The following TJP1 variants were observed in gnomAD, a reference collection of about 807,000 sequenced individuals.
TJP1 encodes the protein tight junction protein 1, also known as tight junction protein ZO-1.
A neutral mutation model predicts 194.2 loss-of-function variants in TJP1; 43 were observed. That is an observed-to-expected ratio of 0.22 (90% CI 0.17 to 0.29). The LOEUF is 0.29. Ranked by LOEUF, TJP1 falls within the 10% of genes least tolerant of loss-of-function variation. The probability of loss-of-function intolerance (pLI) is 1.00; values close to 1 mark genes in which losing one functional copy is unlikely to be tolerated. For missense variants in TJP1, 1,971 were observed against 2,185.7 expected (o/e 0.90, Z 1.96); for synonymous variants, 801 against 779.0 (o/e 1.03, Z -0.47).
At chr15:29,866,950 T>C (rs1276109828) in intron 2 of TJP1, among the ~76,000 whole-genome samples, 1 of 152,174 alleles carries the variant, frequency 6.6e-6, no homozygotes, top group Non-Finnish European at 1.5e-5. Flanking sequence ...CTCAGAAAGA[T>C]ACTCAGACTG....
At chr15:29,886,050 A>G (rs2053104664) in intron 2 of TJP1, among the ~76,000 whole-genome samples, 1 of 152,176 alleles carries the variant, frequency 6.6e-6, no homozygotes, top group Non-Finnish European at 1.5e-5. Flanking sequence ...AGATTTTAAA[A>G]CCCCTCATCA....
intron 2 of TJP1, among the ~76,000 whole-genome samples, chr15:29,946,045 C>G (rs2055270253): frequency 1.3e-5 from 2 of 152,076 alleles, no homozygotes; most frequent in Admixed American, 1.3e-4. Context: ...TAAACTAAAC[C>G]TGGAACACAA....
chr15:29,727,033 C>T, intron 16 of TJP1, 42 bp from the exon 17 acceptor site: 1 of 1,569,570 alleles, frequency 6.4e-7, no homozygotes, highest in Non-Finnish European at 8.7e-7. Context: ...CACAAGACAT[C>T]ATTAATTAAG....
intron 2 of TJP1, among the ~76,000 whole-genome samples, chr15:29,835,604 C>T (rs191327375): frequency 5.9e-5 from 9 of 151,814 alleles, no homozygotes; most frequent in Non-Finnish European, 1.2e-4. Flanking sequence ...GAGCTATGAT[C>T]GCGCCACTGC....
chr15:29,748,607 A>T (rs1041400831), intron 8 of TJP1, among the ~76,000 whole-genome samples: 1 of 109,302 alleles, frequency 9.1e-6, no homozygotes, highest in Admixed American at 1.4e-4. Flanking sequence ...CAGGGTCTCA[A>T]TGTTGCCCTG....
chr15:29,714,167 C>A (rs1373759660), intron 23 of TJP1, among the ~76,000 whole-genome samples: 1 of 152,272 alleles, frequency 6.6e-6, no homozygotes, highest in African/African-American at 2.4e-5. Flanking sequence ...TCTAGAAAAA[C>A]AAATTAACAC....
At chr15:29,737,219 G>T in intron 11 of TJP1, 45 bp downstream of exon 11, 2 of 1,594,814 alleles carry the variant, frequency 1.3e-6, no homozygotes, top group Non-Finnish European at 1.7e-6. Context: ...TTTTTCTGGT[G>T]ATCCAAATAC....
chr15:29,754,137 C>A (rs1388514124), intron 8 of TJP1, among the ~76,000 whole-genome samples: 2 of 152,194 alleles, frequency 1.3e-5, no homozygotes, highest in African/African-American at 4.8e-5. Flanking sequence ...TATATGCCCA[C>A]CAATGACAGA....
At chr15:29,812,347 A>G (rs1435919421) in intron 1 of TJP1, among the ~76,000 whole-genome samples, 1 of 152,244 alleles carries the variant, frequency 6.6e-6, no homozygotes, top group East Asian at 1.9e-4. Context: ...CACAATAAAA[A>G]GATATAAAAA....
chr15:29,854,292 T>C (rs2051760757), intron 2 of TJP1, among the ~76,000 whole-genome samples: 1 of 152,100 alleles, frequency 6.6e-6, no homozygotes, highest in Admixed American at 6.6e-5. Context: ...CAATAAGATA[T>C]GTCCTAATCC....
At chr15:29,961,073 T>G (rs1051946414) in intron 1 of TJP1, among the ~76,000 whole-genome samples, 1 of 152,138 alleles carries the variant, frequency 6.6e-6, no homozygotes, top group African/African-American at 2.4e-5. Context: ...CACAGCTGCG[T>G]ACCTGTAACT....
intron 8 of TJP1, chr15:29,760,276 AT>A: frequency 1.4e-6 from 1 of 702,120 alleles, no homozygotes; most frequent in Non-Finnish European, 2.6e-6. Context: ...AAGGATCATA[AT>A]TTTCTTCAGA....
rs546843267 is a variant in TJP1, at chr15:29,773,009, C to G, written c.209+224G>C. 1.6e-3 allele frequency among the ~76,000 whole-genome samples: 246 copies of G among 152,156 alleles called. 1 individual carries two copies. Among genetic ancestry groups the G allele is most frequent in the African/African-American group, 5.8e-3 (242 of 41,512 alleles). Reference sequence around the variant, plus strand: ...TCTCAAACTCCTGGTCTCAAGTGATCCCCCTGCCTCAGCCTCCCAAAGTGC... The same window carrying G: ...TCTCAAACTCCTGGTCTCAAGTGATGCCCCTGCCTCAGCCTCCCAAAGTGC... On this transcript the variant is annotated intron_variant, in intron 3 of 27. Coordinates refer to ENST00000614355, the MANE Select transcript of TJP1 (RefSeq NM_001330239.4).
At chr15:29,806,314 C>T (rs537897896) in intron 1 of TJP1, among the ~76,000 whole-genome samples, 89 of 152,104 alleles carry the variant, frequency 5.9e-4, no homozygotes, top group Non-Finnish European at 9.7e-4. Flanking sequence ...TACATGAAAA[C>T]CAATGGAGCT....
At chr15:29,708,511 T>G (rs767954731) in intron 25 of TJP1, 48 bp downstream of exon 25, 2 of 1,441,946 alleles carry the variant, frequency 1.4e-6, no homozygotes, top group Middle Eastern at 1.9e-4. Context: ...CAAACTCACA[T>G]GAGAAAAATC....
intron 24 of TJP1, 44 bp downstream of exon 24, chr15:29,710,787 C>G (rs758403824): frequency 3.7e-6 from 6 of 1,610,658 alleles, no homozygotes; most frequent in Non-Finnish European, 5.1e-6. Context: ...AATTTTACTT[C>G]ATAAGCATTA....
chr15:29,949,562 T>TTCA (rs2055511928), intron 2 of TJP1, among the ~76,000 whole-genome samples: 1 of 15,074 alleles, frequency 6.6e-5, no homozygotes, highest in Admixed American at 7.6e-4. Context: ...AACCACCACC[T>TTCA]CCACTTCCAC....
chr15:29,703,067 T>C (rs1157178943), intron 27 of TJP1, among the ~76,000 whole-genome samples: 1 of 152,164 alleles, frequency 6.6e-6, no homozygotes, highest in Non-Finnish European at 1.5e-5. Context: ...AAAGAAGTAA[T>C]TTAGAGTATT....
chr15:29,706,082 C>G (rs1330883293), intron 25 of TJP1, among the ~76,000 whole-genome samples: 1 of 152,140 alleles, frequency 6.6e-6, no homozygotes, highest in Non-Finnish European at 1.5e-5. Flanking sequence ...CAGGCGCACG[C>G]CACCAAGCCT....
Sources: gnomAD v4.1 joint callset for allele counts (sites outside exome capture counted in the v4.1 genomes callset) on GRCh38, gnomAD v4.1.1 for gene constraint, MANE v1.5 for transcripts, NCBI Gene and HGNC (gene_info 2026-07-23, HGNC 2026-07-21) for gene names.